SEL1L2: variants seen among roughly 807,000 people sequenced by gnomAD.
SEL1L2 encodes protein sel-1 homolog 2.
A neutral mutation model predicts 98.8 loss-of-function variants in SEL1L2; 89 were observed. The ratio of observed to expected loss-of-function variants is 0.90; its 90% CI spans 0.76 to 1.07. SEL1L2 has a LOEUF of 1.07. Ranked by LOEUF, SEL1L2 falls within the 50% of genes least tolerant of loss-of-function variation. The pLI is 0.00. For missense variants in SEL1L2, 788 were observed against 812.0 expected, an observed-to-expected ratio of 0.97 and a Z score of 0.36; for synonymous variants, 262 against 278.5, an observed-to-expected ratio of 0.94 and a Z score of 0.59.
chr20:13,858,574 C>T (rs1989536348), intron 18 of SEL1L2, among the ~76,000 whole-genome samples: 1 of 152,160 alleles, frequency 6.6e-6, no homozygotes, highest in Non-Finnish European at 1.5e-5. Context: ...TAACCCAATG[C>T]CTGGCTATTA....
chr20:13,986,274 C>T (rs948998490), intron 1 of SEL1L2, among the ~76,000 whole-genome samples: 3 of 149,998 alleles, frequency 2.0e-5, no homozygotes, highest in African/African-American at 5.1e-5. Flanking sequence ...TAAAATTACC[C>T]GTTTTAAAGT....
chr20:13,893,244 A>G (rs2047279878), intron 5 of SEL1L2, among the ~76,000 whole-genome samples: 1 of 152,176 alleles, frequency 6.6e-6, no homozygotes, highest in Non-Finnish European at 1.5e-5. Context: ...TTTGCACTGA[A>G]GGCTGCATCT....
intron 1 of SEL1L2, among the ~76,000 whole-genome samples, chr20:13,972,041 CTG>C (rs1163450574): frequency 1.3e-5 from 2 of 152,118 alleles, no homozygotes; most frequent in African/African-American, 4.8e-5. Flanking sequence ...AGGAACTTCT[CTG>C]TGTGTGTGAG....
At chr20:13,888,411 T>C (rs754579902) in intron 6 of SEL1L2, 48 bp downstream of exon 6, 77 of 1,269,672 alleles carry the variant, frequency 6.1e-5, no homozygotes, top group Non-Finnish European at 8.3e-5. Flanking sequence ...TCAATGTCCC[T>C]TTTAGAGAAA....
At chr20:13,870,314 G>A in intron 12 of SEL1L2, 111 bp from the exon 13 acceptor site, 1 of 730,126 alleles carries the variant, frequency 1.4e-6, no homozygotes. Context: ...GATTAATCAA[G>A]GCAGTTGGCA....
intron 12 of SEL1L2, 122 bp downstream of exon 12, chr20:13,875,916 C>T (rs2046406101): frequency 2.7e-6 from 2 of 754,522 alleles, no homozygotes; most frequent in Admixed American, 2.0e-5. Context: ...CTCCAGGACA[C>T]AAAACTCCTT....
intron 3 of SEL1L2, among the ~76,000 whole-genome samples, chr20:13,929,209 A>G (rs558309231): frequency 5.3e-5 from 8 of 152,058 alleles, no homozygotes; most frequent in Non-Finnish European, 1.0e-4. Flanking sequence ...CCACAATCGC[A>G]TAAGCCACTC....
At chr20:13,989,225 T>C (rs1333100308) in intron 1 of SEL1L2, among the ~76,000 whole-genome samples, 2 of 152,206 alleles carry the variant, frequency 1.3e-5, no homozygotes, top group African/African-American at 2.4e-5. Flanking sequence ...TCTTAAGTAG[T>C]TCATTTTTGA....
intron 2 of SEL1L2, among the ~76,000 whole-genome samples, chr20:13,940,883 G>C (rs1019269245): frequency 8.5e-5 from 13 of 152,064 alleles, no homozygotes; most frequent in Non-Finnish European, 1.6e-4. Flanking sequence ...CTGGGTGACA[G>C]AGCGAGACTC....
chr20:13,927,891 T>C (rs535432032), intron 3 of SEL1L2: 3 of 152,304 alleles, frequency 2.0e-5, no homozygotes, highest in Admixed American at 6.5e-5. Context: ...CCTAACTAAA[T>C]AGGTACTGTT....
At chr20:13,869,647 A>G in intron 13 of SEL1L2, 57 bp from the exon 14 acceptor site, 1 of 1,327,796 alleles carries the variant, frequency 7.5e-7, no homozygotes, top group Non-Finnish European at 1.1e-6. Context: ...CATGGAAACA[A>G]TTGCCTTCCA....
At chr20:13,859,951 G>A (rs985179095) in intron 17 of SEL1L2, among the ~76,000 whole-genome samples, 13 of 152,178 alleles carry the variant, frequency 8.5e-5, no homozygotes, top group Non-Finnish European at 1.6e-4. Flanking sequence ...TGATCCACCC[G>A]CCTTGGCCTC....
intron 1 of SEL1L2, among the ~76,000 whole-genome samples, chr20:13,968,050 T>A (rs1042811720): frequency 5.9e-5 from 9 of 152,206 alleles, no homozygotes; most frequent in Non-Finnish European, 1.3e-4. Context: ...GTTCTGAAAG[T>A]CTGTAATTTA....
chr20:13,923,879 T>A (rs756166077), intron 3 of SEL1L2, among the ~76,000 whole-genome samples: 7 of 152,220 alleles, frequency 4.6e-5, no homozygotes, highest in African/African-American at 9.6e-5. Context: ...TAATTTTTTG[T>A]TTGCTGAATC....
At chr20:13,932,435 A>C (rs898997513) in intron 2 of SEL1L2, among the ~76,000 whole-genome samples, 2 of 148,314 alleles carry the variant, frequency 1.3e-5, no homozygotes, top group African/African-American at 2.5e-5. Flanking sequence ...TATTATTATT[A>C]TTATTATTAT....
chr20:13,868,210 C>G (rs533714522), intron 14 of SEL1L2, among the ~76,000 whole-genome samples: 1 of 151,982 alleles, frequency 6.6e-6, no homozygotes, highest in East Asian at 1.9e-4. Flanking sequence ...TCCCATTCCC[C>G]CATACTTAGA....
intron 1 of SEL1L2, among the ~76,000 whole-genome samples, chr20:13,978,521 T>G (rs965127402): frequency 1.3e-5 from 2 of 152,106 alleles, no homozygotes; most frequent in Non-Finnish European, 2.9e-5. Context: ...CTCAAAAAAC[T>G]AAAAATAGAA....
Position 13,887,749 on chromosome 20 carries a change from A to C in SEL1L2, c.745+20T>G, listed in dbSNP as rs2047023179. Reference sequence around the variant, plus strand: ...CCTTGGCAACTGTTTATTTTAAAATAAATTATGTGGATTACTTACTATAAT... The same window carrying C: ...CCTTGGCAACTGTTTATTTTAAAATCAATTATGTGGATTACTTACTATAAT... On this transcript the variant is annotated intron_variant, in intron 8 of 19. Coordinates refer to ENST00000284951, the MANE Select transcript of SEL1L2 (RefSeq NM_025229.2). 6.7e-7 allele frequency: 1 copy of C among 1,485,824 alleles called. No individual in the cohort carries two copies. The highest frequency in any genetic ancestry group is 9.4e-7 in the Non-Finnish European group (1 of 1,068,578). 92.0% of individuals were successfully genotyped at this position (1,485,824 alleles called of 1,614,324 possible).
chr20:13,891,663 CAAAAAAAAAA>C (rs61545047), intron 5 of SEL1L2, among the ~76,000 whole-genome samples: 2 of 74,246 alleles, frequency 2.7e-5, no homozygotes, highest in Admixed American at 1.7e-4. Flanking sequence ...AAGACTCCAT[CAAAAAAAAAA>C]AAAAAAAAAA....
Sources: gnomAD v4.1 joint callset for allele counts (sites outside exome capture counted in the v4.1 genomes callset) on GRCh38, gnomAD v4.1.1 for gene constraint, MANE v1.5 for transcripts, NCBI Gene and HGNC (gene_info 2026-07-23, HGNC 2026-07-21) for gene names.